The following AGBL4 variants were observed in gnomAD, a reference collection of about 807,000 sequenced individuals.
The protein encoded by AGBL4 is cytosolic carboxypeptidase 6.
In AGBL4, 58 loss-of-function variants were observed where a neutral mutation model predicts 66.4. The observed-to-expected ratio is 0.87, with a 90% CI of 0.71 to 1.09. The LOEUF (loss-of-function observed/expected upper bound fraction) is 1.09, where lower values mean the gene tolerates loss of function less well. Ranked by LOEUF, AGBL4 falls within the 50% of genes least tolerant of loss-of-function variation. The pLI is 0.00. For synonymous variants in AGBL4, 234 were observed against 222.9 expected (o/e 1.05, Z -0.44); for missense variants, 579 against 631.0 (o/e 0.92, Z 0.88).
intron 1 of AGBL4, among the ~76,000 whole-genome samples, chr1:49,925,488 G>T (rs368762074): frequency 3.9e-5 from 6 of 152,256 alleles, no homozygotes; most frequent in Admixed American, 6.5e-5. Flanking sequence ...TTCTCCTTGA[G>T]AAAAGCAAGG....
intron 2 of AGBL4, among the ~76,000 whole-genome samples, chr1:49,846,700 T>A (rs965889615): frequency 1.3e-5 from 2 of 152,012 alleles, no homozygotes; most frequent in Non-Finnish European, 2.9e-5. Context: ...AAAAATAAAA[T>A]ATCTAGGAAT....
At chr1:48,887,233 A>G (rs537104690) in intron 5 of AGBL4, among the ~76,000 whole-genome samples, 1 of 152,254 alleles carries the variant, frequency 6.6e-6, no homozygotes, top group South Asian at 2.1e-4. Context: ...GATGACGTCT[A>G]GGAGGTGGTC....
At chr1:49,974,297 G>A (rs1308709781) in intron 1 of AGBL4, among the ~76,000 whole-genome samples, 1 of 152,080 alleles carries the variant, frequency 6.6e-6, no homozygotes, top group Non-Finnish European at 1.5e-5. Context: ...TATGTATGGT[G>A]AAACCAGGTG....
At chr1:49,361,271 A>G (rs1427736241) in intron 3 of AGBL4, among the ~76,000 whole-genome samples, 1 of 152,172 alleles carries the variant, frequency 6.6e-6, no homozygotes, top group Non-Finnish European at 1.5e-5. Flanking sequence ...ATCATTCCTA[A>G]CTGATTTCTA....
chr1:48,789,288 A>AT (rs1200666319), intron 6 of AGBL4, among the ~76,000 whole-genome samples: 63 of 50,564 alleles, frequency 1.2e-3, no homozygotes, highest in East Asian at 6.0e-3. Flanking sequence ...ATATATATAT[A>AT]TATATATTTT....
chr1:48,959,944 A>G (rs1657820408), intron 5 of AGBL4, among the ~76,000 whole-genome samples: 1 of 152,216 alleles, frequency 6.6e-6, no homozygotes, highest in Non-Finnish European at 1.5e-5. Flanking sequence ...ATGAGAAGCC[A>G]CTGAGGGATT....
At chr1:49,494,996 TG>T (rs1647409524) in intron 3 of AGBL4, among the ~76,000 whole-genome samples, 1 of 152,080 alleles carries the variant, frequency 6.6e-6, no homozygotes, top group South Asian at 2.1e-4. Context: ...TGGTATGAAT[TG>T]TCTTATTAAA....
intron 1 of AGBL4, among the ~76,000 whole-genome samples, chr1:49,940,303 G>A (rs1225177192): frequency 1.3e-5 from 2 of 152,144 alleles, no homozygotes; most frequent in Non-Finnish European, 2.9e-5. Context: ...CGATTCTTCA[G>A]GGATCTAGAA....
chr1:48,849,472 A>G (rs1335657466), intron 6 of AGBL4, among the ~76,000 whole-genome samples: 4 of 152,144 alleles, frequency 2.6e-5, no homozygotes, highest in African/African-American at 9.7e-5. Context: ...CTCAATTTCT[A>G]TATTTATCTC....
intron 8 of AGBL4, among the ~76,000 whole-genome samples, chr1:48,652,780 A>C (rs1021684346): frequency 6.6e-6 from 1 of 152,188 alleles, no homozygotes; most frequent in Non-Finnish European, 1.5e-5. Context: ...CCAGGAGAAA[A>C]GGAGTTCAAG....
chr1:49,229,605 G>A (rs1442895830), intron 4 of AGBL4, among the ~76,000 whole-genome samples: 1 of 152,138 alleles, frequency 6.6e-6, no homozygotes, highest in Admixed American at 6.5e-5. Flanking sequence ...AAATTCTTCT[G>A]ATCAGAAAAA....
chr1:49,948,398 AAT>A (rs1444752929), intron 1 of AGBL4, among the ~76,000 whole-genome samples: 8 of 113,722 alleles, frequency 7.0e-5, no homozygotes, highest in Middle Eastern at 4.6e-3. Context: ...TAAATATATA[AAT>A]ATATATAAAT....
chr1:49,214,676 A>G (rs532620875), intron 4 of AGBL4, among the ~76,000 whole-genome samples: 12 of 152,242 alleles, frequency 7.9e-5, no homozygotes, highest in African/African-American at 2.9e-4. Flanking sequence ...TTATCCTTAT[A>G]TCCAGACACG....
At chr1:48,534,948 G>A (rs146552931) in intron 12 of AGBL4, 32 bp from the exon 13 acceptor site, 1 of 1,545,722 alleles carries the variant, frequency 6.5e-7, no homozygotes, top group African/African-American at 1.4e-5. Flanking sequence ...TGTCCTTCCT[G>A]CCTCTTAGGC....
chr1:49,201,462 T>C (rs1421386929), intron 4 of AGBL4, among the ~76,000 whole-genome samples: 1 of 152,198 alleles, frequency 6.6e-6, no homozygotes, highest in Non-Finnish European at 1.5e-5. Context: ...ACTTTCACAA[T>C]ATTTTACAAT....
Position 49,932,994 on chromosome 1 carries a change from G to A in AGBL4, c.35-81476C>T, listed in dbSNP as rs553621855. On this transcript the variant is annotated intron_variant, in intron 1 of 13. Transcript: ENST00000371839. ...GACGAGAGACCAAAAACGTCAGAAAGCATATTTAAAGGAAGAATAGGGTTC... is the reference window on the plus strand; with the variant it reads ...GACGAGAGACCAAAAACGTCAGAAAACATATTTAAAGGAAGAATAGGGTTC... Among the ~76,000 whole-genome samples, 169 of 152,192 alleles carry A rather than the reference G, an allele frequency of 1.1e-3. 1 individual carries two copies. Among genetic ancestry groups the A allele is most frequent in the Non-Finnish European group, 1.5e-3 (99 of 67,970 alleles).
At chr1:48,601,906 T>C (rs1645079123) in intron 9 of AGBL4, among the ~76,000 whole-genome samples, 1 of 152,092 alleles carries the variant, frequency 6.6e-6, no homozygotes. Context: ...AAAGCCCCAG[T>C]CTGAGCAGGA....
intron 1 of AGBL4, among the ~76,000 whole-genome samples, chr1:49,925,713 T>C (rs1652696586): frequency 6.6e-6 from 1 of 152,210 alleles, no homozygotes; most frequent in Non-Finnish European, 1.5e-5. Context: ...CCCTTGGATC[T>C]GAAGTGAAAT....
intron 6 of AGBL4, among the ~76,000 whole-genome samples, chr1:48,746,542 A>T (rs1650794747): frequency 1.3e-5 from 2 of 152,232 alleles, no homozygotes; most frequent in South Asian, 4.1e-4. Flanking sequence ...CTATTTTCTA[A>T]ATTTCTCACT....
Sources: allele counts gnomAD v4.1 joint callset (sites outside exome capture counted in the v4.1 genomes callset), GRCh38; gene constraint gnomAD v4.1.1; transcripts MANE v1.5; gene names NCBI Gene and HGNC (gene_info 2026-07-23, HGNC 2026-07-21).